The following CNGA3 variants were observed in gnomAD, a reference collection of about 807,000 sequenced individuals.
The protein encoded by CNGA3 is cyclic nucleotide gated channel subunit alpha 3, also known as cyclic nucleotide-gated channel alpha-3.
In CNGA3, 42 loss-of-function variants were observed where a neutral mutation model predicts 46.6. The ratio of observed to expected loss-of-function variants is 0.90; its 90% CI spans 0.70 to 1.17. CNGA3 has a LOEUF of 1.17. CNGA3 is among the 50% of genes most tolerant of loss of function. The probability of loss-of-function intolerance (pLI) is 0.00; values close to 1 mark genes in which losing one functional copy is unlikely to be tolerated. For synonymous variants in CNGA3, 394 were observed against 369.4 expected (o/e 1.07, Z -0.76); for missense variants, 893 against 890.7 (o/e 1.00, Z -0.03).
intron 3 of CNGA3, 169 bp downstream of exon 3, chr2:98,377,969 G>T: frequency 7.0e-7 from 1 of 1,424,008 alleles, no homozygotes; most frequent in Non-Finnish European, 9.5e-7. Context: ...TTCCTCTTGG[G>T]TCAGATGTTC....
At chr2:98,369,629 T>C (rs1280443024) in intron 1 of CNGA3, among the ~76,000 whole-genome samples, 3 of 152,240 alleles carry the variant, frequency 2.0e-5, no homozygotes, top group Non-Finnish European at 4.4e-5. Context: ...GGGCTTCACC[T>C]TCCTTATATC....
intron 1 of CNGA3, chr2:98,347,180 T>G (rs1464535608): frequency 6.6e-6 from 1 of 151,424 alleles, no homozygotes. Flanking sequence ...AAGAGAAAGG[T>G]AGGCTGAGGA....
intron 5 of CNGA3, among the ~76,000 whole-genome samples, chr2:98,385,801 T>G (rs1235295501): frequency 6.6e-6 from 1 of 152,096 alleles, no homozygotes; most frequent in African/African-American, 2.4e-5. Flanking sequence ...CTCAGGAAGC[T>G]TTCAATCATG....
intron 1 of CNGA3, among the ~76,000 whole-genome samples, chr2:98,360,224 G>T (rs1292972697): frequency 6.6e-6 from 1 of 152,218 alleles, no homozygotes; most frequent in Non-Finnish European, 1.5e-5. Context: ...TGAGGATTAA[G>T]TAAGGAAGTG....
At chr2:98,347,943 A>C (rs751565499) in intron 1 of CNGA3, among the ~76,000 whole-genome samples, 29 of 152,202 alleles carry the variant, frequency 1.9e-4, no homozygotes, top group Non-Finnish European at 3.7e-4. Context: ...GTTCACGCTG[A>C]GAATTCATGG....
At chr2:98,392,853 A>G (rs1339342797) in intron 7 of CNGA3, among the ~76,000 whole-genome samples, 1 of 152,198 alleles carries the variant, frequency 6.6e-6, no homozygotes, top group Non-Finnish European at 1.5e-5. Context: ...ATGGGAAAGG[A>G]TACTCACCCC....
chr2:98,383,279 A>G, intron 4 of CNGA3, 109 bp from the exon 5 acceptor site: 1 of 1,033,692 alleles, frequency 9.7e-7, no homozygotes, highest in South Asian at 1.3e-5. Context: ...AAAGGCTGGA[A>G]GCAGTGGGAT....
chr2:98,363,952 C>T, intron 1 of CNGA3, among the ~76,000 whole-genome samples: 1 of 152,170 alleles, frequency 6.6e-6, no homozygotes, highest in African/African-American at 2.4e-5. Flanking sequence ...TCTCCAAGAA[C>T]TTGTTTTATG....
intron 1 of CNGA3, chr2:98,350,643 C>T (rs1691750935): frequency 6.6e-6 from 1 of 152,186 alleles, no homozygotes; most frequent in African/African-American, 2.4e-5. Flanking sequence ...TCTGCAGAGA[C>T]CAGGACACTT....
At chr2:98,364,825 G>A (rs1335152311) in intron 1 of CNGA3, among the ~76,000 whole-genome samples, 1 of 152,126 alleles carries the variant, frequency 6.6e-6, no homozygotes, top group African/African-American at 2.4e-5. Context: ...AATCCCCTCA[G>A]CATTTACTTG....
In CNGA3 at chr2:98,395,975, A is replaced by C. The variant is rs2104245771; in HGVS notation, c.805A>C (p.Asn269His). 3 of 1,614,246 alleles carry C rather than the reference A, an allele frequency of 1.9e-6. No individual in the cohort carries two copies. The highest frequency in any genetic ancestry group is 1.7e-6 in the Non-Finnish European group (2 of 1,180,044). Residue 269 changes from asparagine to histidine, a missense_variant, in exon 8 of 8, where the codon AAC becomes CAC. Asn to His is a moderately conservative substitution (Grantham distance 68, BLOSUM62 1). This residue lies in a region of CNGA3 where 548 missense variants were observed against 570.8 expected (regional missense o/e 0.96). Transcript: ENST00000272602. ...TDLAYLKVGT[N>H]YPEVRFNRLL... is the part of the protein sequence containing the mutation. ...CCTGGCTTACTTAAAGGTGGGCACA[A>C]ACTACCCAGAAGTGAGGTTCAACCG... is the stretch of plus-strand genomic sequence containing the variant.
intron 5 of CNGA3, among the ~76,000 whole-genome samples, chr2:98,383,947 C>A (rs1692592671): frequency 6.6e-6 from 1 of 152,098 alleles, no homozygotes. Flanking sequence ...AGTGCAGTGG[C>A]GCCATCTTGA....
chr2:98,350,242 C>G (rs568911357), intron 1 of CNGA3, among the ~76,000 whole-genome samples: 1 of 152,286 alleles, frequency 6.6e-6, no homozygotes, highest in African/African-American at 2.4e-5. Context: ...AATTATAATG[C>G]CTTCCTCATC....
Position 98,377,805 on chromosome 2 carries a change from C to G in CNGA3, c.215+5C>G, listed in dbSNP as rs1234455722. 1 of 1,607,924 alleles carries G rather than the reference C, an allele frequency of 6.2e-7. No individual in the cohort carries two copies. The highest frequency in any genetic ancestry group is 1.1e-5 in the South Asian group (1 of 89,762). ...CACCGGCCAGGGGATCGCCAGGTAACTGACCAGCCTCAGTCCCTACCTTGG... is the reference window on the plus strand; with the variant it reads ...CACCGGCCAGGGGATCGCCAGGTAAGTGACCAGCCTCAGTCCCTACCTTGG... On this transcript the variant is annotated splice_donor_5th_base_variant and intron_variant, in intron 3 of 7. Transcript: ENST00000272602.
chr2:98,362,709 T>G (rs926731701), intron 1 of CNGA3, among the ~76,000 whole-genome samples: 15 of 152,248 alleles, frequency 9.9e-5, no homozygotes, highest in African/African-American at 3.6e-4. Context: ...TTTGATGTTT[T>G]TGTCATGAAG....
intron 1 of CNGA3, among the ~76,000 whole-genome samples, chr2:98,363,583 T>C (rs180698320): frequency 6.6e-6 from 1 of 152,240 alleles, no homozygotes; most frequent in Non-Finnish European, 1.5e-5. Flanking sequence ...CATCCTTATC[T>C]TGTGTCAGTT....
chr2:98,369,876 T>A (rs993194267), intron 1 of CNGA3, 63 bp from the exon 2 acceptor site: 2 of 1,077,304 alleles, frequency 1.9e-6, no homozygotes, highest in Admixed American at 1.9e-5. Flanking sequence ...TTGCCCTTGA[T>A]GAGCTGGGTT....
intron 1 of CNGA3, among the ~76,000 whole-genome samples, chr2:98,358,036 T>C (rs1691926322): frequency 6.6e-6 from 1 of 152,260 alleles, no homozygotes; most frequent in Non-Finnish European, 1.5e-5. Flanking sequence ...GATATGGAAG[T>C]GCCTCGCACC....
At chr2:98,394,845 GCTT>G (rs1558819348) in intron 7 of CNGA3, among the ~76,000 whole-genome samples, 1 of 152,172 alleles carries the variant, frequency 6.6e-6, no homozygotes, top group Non-Finnish European at 1.5e-5. Context: ...AATTTCACAT[GCTT>G]ACTTTATCTT....
Sources: allele counts gnomAD v4.1 joint callset (sites outside exome capture counted in the v4.1 genomes callset), GRCh38; gene constraint gnomAD v4.1.1; regional missense constraint gnomAD v4.1.1; transcripts MANE v1.5; gene names NCBI Gene and HGNC (gene_info 2026-07-23, HGNC 2026-07-21).